The following PKHD1L1 variants were observed in gnomAD, a reference collection of about 807,000 sequenced individuals.
PKHD1L1 encodes PKHD1 like 1.
Under a neutral mutation model 462.9 loss-of-function variants are expected in PKHD1L1, and 434 were observed. The ratio of observed to expected loss-of-function variants is 0.94; its 90% CI spans 0.87 to 1.02. The LOEUF is 1.02. PKHD1L1 is among the 50% of genes least tolerant of loss of function. The pLI, the probability that PKHD1L1 is intolerant of heterozygous loss-of-function variation, is 0.00. For missense variants in PKHD1L1, 5,202 were observed against 5,096.1 expected (o/e 1.02, Z -0.63); for synonymous variants, 1,781 against 1,750.0 (o/e 1.02, Z -0.44).
At chr8:109,426,124 T>C (rs1371895649) in intron 24 of PKHD1L1, among the ~76,000 whole-genome samples, 1 of 152,148 alleles carries the variant, frequency 6.6e-6, no homozygotes, top group African/African-American at 2.4e-5. Flanking sequence ...ATTTTTATGT[T>C]TTTGTCACTG....
chr8:109,380,664 C>G (rs1333726167), intron 2 of PKHD1L1, among the ~76,000 whole-genome samples: 1 of 152,332 alleles, frequency 6.6e-6, no homozygotes, highest in Admixed American at 6.5e-5. Context: ...TTTGGAAAGA[C>G]ATGCTATATT....
At chr8:109,401,069 AAAGTCCTCT>A (rs1813246985) in intron 13 of PKHD1L1, among the ~76,000 whole-genome samples, 1 of 152,192 alleles carries the variant, frequency 6.6e-6, no homozygotes, top group Non-Finnish European at 1.5e-5. Context: ...TGGGAAGCCC[AAAGTCCTCT>A]CACTCTAGTG....
intron 38 of PKHD1L1, among the ~76,000 whole-genome samples, chr8:109,446,000 C>T (rs1816117490): frequency 6.6e-6 from 1 of 152,176 alleles, no homozygotes; most frequent in South Asian, 2.1e-4. Context: ...TCAAAAGTTA[C>T]AATCTTACTT....
chr8:109,531,942 G>A lies in PKHD1L1; in HGVS notation c.*1852G>A, dbSNP rs1821050760. The stretch of plus-strand genomic sequence containing the variant: ...CTTCCTAAGGCAAATCTAGTTTACT[G>A]TTCATTCCGTGATACTTCCTTTCTG... On this transcript the variant is annotated 3_prime_UTR_variant, in exon 78 of 78. Coordinates refer to ENST00000378402, the MANE Select transcript of PKHD1L1 (RefSeq NM_177531.6). Among the ~76,000 whole-genome samples, 1 of 152,178 alleles carries A rather than the reference G, an allele frequency of 6.6e-6. No homozygotes were observed. Among genetic ancestry groups the A allele is most frequent in the African/African-American group, 2.4e-5 (1 of 41,436 alleles).
At chr8:109,426,147 C>T (rs1814734829) in intron 24 of PKHD1L1, among the ~76,000 whole-genome samples, 6 of 152,074 alleles carry the variant, frequency 3.9e-5, no homozygotes, top group African/African-American at 9.7e-5. Flanking sequence ...TTATCCACTA[C>T]ACTGGTGACA....
chr8:109,479,770 G>C, intron 54 of PKHD1L1, 131 bp downstream of exon 54: 1 of 817,758 alleles, frequency 1.2e-6, no homozygotes, highest in South Asian at 1.9e-5. Context: ...CTCTATTAAT[G>C]CATCCCGGAT....
At chr8:109,432,329 C>G (rs1403014600) in intron 27 of PKHD1L1, among the ~76,000 whole-genome samples, 2 of 152,064 alleles carry the variant, frequency 1.3e-5, no homozygotes, top group Non-Finnish European at 2.9e-5. Flanking sequence ...CTTCATGTAT[C>G]ATATTTGAGA....
intron 76 of PKHD1L1, among the ~76,000 whole-genome samples, chr8:109,525,722 T>C (rs1051893568): frequency 6.6e-6 from 1 of 150,782 alleles, no homozygotes; most frequent in African/African-American, 2.4e-5. Flanking sequence ...AAAAAATTAA[T>C]AAAAAAATTC....
chr8:109,383,043 A>G (rs1384358152), intron 4 of PKHD1L1, among the ~76,000 whole-genome samples: 1 of 136,508 alleles, frequency 7.3e-6, no homozygotes, highest in Non-Finnish European at 1.5e-5. Context: ...ATATAATTAA[A>G]TTAGTTATAT....
chr8:109,522,777 C>T lies in PKHD1L1; in HGVS notation c.12217C>T (p.Pro4073Ser), dbSNP rs1176655511. 2 of 1,611,818 alleles carry T rather than the reference C, an allele frequency of 1.2e-6. No homozygotes were observed. The highest frequency in any genetic ancestry group is 1.7e-4 in the Middle Eastern group (1 of 6,048). The change falls in exon 75 of 78, where the codon CCT (proline) becomes TCT (serine). Residue 4073 changes from proline (P) to serine (S), a missense_variant. Transcript: ENST00000378402. ...CCAGCCAGTTGAAAGGTCTGCATTT[C>T]CTGTTCATCACGTGGCCTTCGTGTC... ...TAQPVERSAFPVHHVAFVSSL... is the reference protein window; with the variant it reads ...TAQPVERSAFSVHHVAFVSSL...
In PKHD1L1 at chr8:109,477,321, G is replaced by A. The variant is rs758298476; in HGVS notation, c.9014G>A (p.Cys3005Tyr). 1.2e-6 allele frequency: 2 copies of A among 1,613,436 alleles called. No individual in the cohort carries two copies. Among genetic ancestry groups the A allele is most frequent in the Non-Finnish European group, 8.5e-7 (1 of 1,179,616 alleles). The change falls in exon 53 of 78, where the codon TGT (cysteine) becomes TAT (tyrosine). Residue 3005 changes from cysteine (C) to tyrosine (Y), a missense_variant. Coordinates refer to ENST00000378402, the MANE Select transcript of PKHD1L1 (RefSeq NM_177531.6). Reference sequence around the variant, plus strand: ...GTTATTAATTTCCAAGCTTACTGTTGTATTCTCCAGGATTGCTTTCCTGTA... The same window carrying A: ...GTTATTAATTTCCAAGCTTACTGTTATATTCTCCAGGATTGCTTTCCTGTA... ...DVVINFQAYC[C>Y]ILQDCFPVHP... is the part of the protein sequence containing the mutation.
At chr8:109,432,498 A>T (rs1815165060) in intron 27 of PKHD1L1, among the ~76,000 whole-genome samples, 1 of 152,164 alleles carries the variant, frequency 6.6e-6, no homozygotes, top group Non-Finnish European at 1.5e-5. Flanking sequence ...GATTTGTTAT[A>T]GTTAGATATG....
rs1812305911 is a variant in PKHD1L1 at position 109,384,085 on chromosome 8, A to G, written c.433A>G (p.Thr145Ala). 1.2e-6 allele frequency: 2 copies of G among 1,610,218 alleles called. No homozygotes were observed. Among genetic ancestry groups the G allele is most frequent in the Admixed American group, 1.7e-5 (1 of 59,928 alleles). ...ECTFNAKSFR[T>A]PTIRSITPLS... ...CTTTTTACAGGCAAAAAGTTTTAGAACCCCAACAATAAGAAGCATCACACC... is the reference window on the plus strand; with the variant it reads ...CTTTTTACAGGCAAAAAGTTTTAGAGCCCCAACAATAAGAAGCATCACACC... Residue 145 changes from threonine (T) to alanine (A), a missense_variant, in exon 5 of 78, where the codon ACC becomes GCC. Around this residue, in one of 3 missense-constraint regions of PKHD1L1, gnomAD observed 4,497 missense variants for 4,336.8 expected, o/e 1.04. Coordinates refer to ENST00000378402, the MANE Select transcript of PKHD1L1 (RefSeq NM_177531.6).
At chr8:109,420,788 A>G (rs1373636595) in intron 23 of PKHD1L1, 98 bp downstream of exon 23, 7 of 948,154 alleles carry the variant, frequency 7.4e-6, no homozygotes, top group African/African-American at 1.7e-5. Context: ...ACAGGAAAAG[A>G]CAGCTAACTA....
intron 38 of PKHD1L1, among the ~76,000 whole-genome samples, chr8:109,446,206 T>G (rs1816128675): frequency 6.6e-6 from 1 of 152,188 alleles, no homozygotes; most frequent in African/African-American, 2.4e-5. Context: ...TTCTTAGTCC[T>G]TTGTCATTAT....
chr8:109,438,902 G>T lies in PKHD1L1; in HGVS notation c.3766G>T (p.Val1256Phe). The change falls in exon 32 of 78, where the codon GTT (valine) becomes TTT (phenylalanine). Residue 1256 changes from valine (V) to phenylalanine (F), a missense_variant. By Grantham distance (50) the Val-to-Phe change is conservative. Transcript: ENST00000378402. Reference sequence around the variant, plus strand: ...TTTAAATTTTAAAATACCAGGAGAAGTTAATTTAACAATTAAGGGCTATAA... The same window carrying T: ...TTTAAATTTTAAAATACCAGGAGAATTTAATTTAACAATTAAGGGCTATAA... ...SPKVRTILGE[V>F]NLTIKGYNFG... The T allele has an allele frequency of 3.1e-6, 5 of 1,592,080 alleles. No individual in the cohort carries two copies. The highest frequency in any genetic ancestry group is 4.3e-6 in the Non-Finnish European group (5 of 1,167,888).
intron 27 of PKHD1L1, 123 bp from the exon 28 acceptor site, chr8:109,432,983 G>A (rs1178448701): frequency 2.8e-6 from 2 of 702,218 alleles, no homozygotes; most frequent in African/African-American, 1.8e-5. Flanking sequence ...CTGCTCTCCT[G>A]TTAGGCTTAT....
In PKHD1L1 at chr8:109,443,759, G is replaced by A. The variant is rs1260966773; in HGVS notation, c.4648G>A (p.Val1550Ile). ...EPLCSLNNTR[V>I]KNSKRLLFEV... ...CCTGTGCAGCCTGAACAATACCAGG[G>A]TTAAAAATTCAAAAAGATTGCTATT... The change falls in exon 37 of 78, where the codon GTT (valine) becomes ATT (isoleucine). Residue 1550 changes from valine (V) to isoleucine (I), a missense_variant. Val to Ile is a conservative substitution (Grantham distance 29, BLOSUM62 3). Coordinates refer to ENST00000378402, the MANE Select transcript of PKHD1L1 (RefSeq NM_177531.6). 2 of 1,613,750 alleles carry A rather than the reference G, an allele frequency of 1.2e-6. No homozygotes were observed. The highest frequency in any genetic ancestry group is 1.7e-6 in the Non-Finnish European group (2 of 1,179,774).
At chr8:109,511,053 G>C (rs1020718566) in intron 71 of PKHD1L1, 119 bp downstream of exon 71, 17 of 1,148,726 alleles carry the variant, frequency 1.5e-5, no homozygotes, top group Non-Finnish European at 2.1e-5. Flanking sequence ...CATTTCCAAG[G>C]ATGCATCAGG....
Sources: gnomAD v4.1 joint callset for allele counts (sites outside exome capture counted in the v4.1 genomes callset) on GRCh38, gnomAD v4.1.1 for gene constraint, gnomAD v4.1.1 regional missense constraint, MANE v1.5 for transcripts, NCBI Gene and HGNC (gene_info 2026-07-23, HGNC 2026-07-21) for gene names.